CLPB: variants seen among roughly 807,000 people sequenced by gnomAD.
CLPB encodes the protein mitochondrial disaggregase.
CLPB carries 40 observed loss-of-function variants against 78.4 expected under a neutral mutation model. The observed-to-expected ratio is 0.51, with a 90% CI of 0.40 to 0.66. The LOEUF is 0.66. Among genes scored for constraint, CLPB ranks in the 30% least tolerant of loss-of-function variants. The pLI is 0.00. For missense variants in CLPB, 780 were observed against 886.9 expected (o/e 0.88, Z 1.53); for synonymous variants, 333 against 348.0 (o/e 0.96, Z 0.48).
intron 4 of CLPB, among the ~76,000 whole-genome samples, chr11:72,379,155 C>G (rs1004064664): frequency 6.6e-6 from 1 of 152,196 alleles, no homozygotes; most frequent in South Asian, 2.1e-4. Flanking sequence ...CCACATACCA[C>G]GTCAGTCTGG....
rs145621160 is a variant in CLPB at position 72,414,809 on chromosome 11, A to C, written c.456-11757T>G. On this transcript the variant is annotated intron_variant, in intron 2 of 15. Transcript: ENST00000538039. ...GCAAAGCTCTTGAATGATGGAGTTC[A>C]AAAGAGCTCACATTTCTTGAGCTGC... Among the ~76,000 whole-genome samples the C allele has an allele frequency of 5.2e-4, 79 of 152,356 alleles. No homozygotes were observed. The East Asian group carries it at 0.015, about 29-fold the overall frequency.
intron 6 of CLPB, among the ~76,000 whole-genome samples, chr11:72,326,703 C>T (rs974486860): frequency 2.0e-5 from 3 of 152,090 alleles, no homozygotes; most frequent in Non-Finnish European, 4.4e-5. Context: ...GCCTCCAGGC[C>T]TGAGTCATTA....
At chr11:72,404,531 G>T (rs1470775175) in intron 2 of CLPB, among the ~76,000 whole-genome samples, 3 of 152,208 alleles carry the variant, frequency 2.0e-5, no homozygotes, top group Non-Finnish European at 4.4e-5. Flanking sequence ...AAAGCCCAAG[G>T]GGGAGACAGA....
rs184883486 is a variant in CLPB at position 72,401,132 on chromosome 11, T to C, written c.542+1834A>G. 5.6e-3 allele frequency among the ~76,000 whole-genome samples: 853 copies of C among 152,318 alleles called. 36 individuals are homozygous for C. Among genetic ancestry groups the C allele is most frequent in the Admixed American group, 0.053 (803 of 15,292 alleles). Reference sequence around the variant, plus strand: ...CTCTCAACTACGAAGCCTATTTATATCAATTTTGCTTTTAAAGAATAGGTG... The same window carrying C: ...CTCTCAACTACGAAGCCTATTTATACCAATTTTGCTTTTAAAGAATAGGTG... On this transcript the variant is annotated intron_variant, in intron 3 of 15. Transcript: ENST00000538039.
At position 72,293,224 on chromosome 11, in the gene CLPB, TC is replaced by T; in HGVS notation, c.*142del. On this transcript the variant is annotated 3_prime_UTR_variant, in exon 16 of 16. Coordinates refer to ENST00000538039, the MANE Select transcript of CLPB (RefSeq NM_001258392.3). ...TTCAGGTTTTGGGGCTGAGAAGGGG[TC>T]TTCATGGGCTGTGAGGAGGTAAGCA... 1 of 1,026,538 alleles carries T rather than the reference TC, an allele frequency of 9.7e-7. No individual in the cohort carries two copies. Among genetic ancestry groups the T allele is most frequent in the Non-Finnish European group, 1.4e-6 (1 of 711,434 alleles). The allele number at this position is 1,026,538 out of a possible 1,614,324, so 63.6% of individuals were successfully genotyped here.
intron 2 of CLPB, among the ~76,000 whole-genome samples, chr11:72,413,070 C>T (rs916621322): frequency 1.3e-5 from 2 of 152,146 alleles, no homozygotes; most frequent in Non-Finnish European, 2.9e-5. Flanking sequence ...AGGCGAGTCA[C>T]CTGAGGTCGG....
At chr11:72,322,540 C>T (rs1935386655) in intron 6 of CLPB, among the ~76,000 whole-genome samples, 1 of 152,010 alleles carries the variant, frequency 6.6e-6, no homozygotes, top group Non-Finnish European at 1.5e-5. Flanking sequence ...GAAAGGCTAG[C>T]CAGTGGAGTA....
At chr11:72,380,414 A>G (rs1854873545) in intron 3 of CLPB, 30 bp from the exon 4 acceptor site, 1 of 1,584,436 alleles carries the variant, frequency 6.3e-7, no homozygotes. Flanking sequence ...CAGAAGTGTC[A>G]AAAGCAAGAA....
chr11:72,321,393 A>G (rs1483228007), intron 6 of CLPB, among the ~76,000 whole-genome samples: 1 of 152,230 alleles, frequency 6.6e-6, no homozygotes, highest in African/African-American at 2.4e-5. Context: ...ACCTGGAGCC[A>G]TCAGCGACCA....
At chr11:72,353,455 A>G (rs771191768) in intron 5 of CLPB, among the ~76,000 whole-genome samples, 5 of 152,260 alleles carry the variant, frequency 3.3e-5, no homozygotes, top group African/African-American at 4.8e-5. Flanking sequence ...AGTCAGACAC[A>G]TTAGGAAATT....
At chr11:72,379,204 T>G (rs1029118923) in intron 4 of CLPB, among the ~76,000 whole-genome samples, 1 of 152,164 alleles carries the variant, frequency 6.6e-6, no homozygotes, top group African/African-American at 2.4e-5. Flanking sequence ...ATTGCTCCCC[T>G]TGGCTGAATT....
chr11:72,408,279 C>A, intron 2 of CLPB: 1 of 1,036,404 alleles, frequency 9.6e-7, no homozygotes, highest in Non-Finnish European at 1.4e-6. Flanking sequence ...CTGTCACTTA[C>A]TAGCTGTGAA....
chr11:72,307,066 G>A lies in CLPB; in HGVS notation c.1122+133C>T, dbSNP rs551183340. ...TGGTGGCCAAGTTGGGGCCAGAGCTGAGGTCTGCTTCCTGGGTCAGGGCCC... is the reference window on the plus strand; with the variant it reads ...TGGTGGCCAAGTTGGGGCCAGAGCTAAGGTCTGCTTCCTGGGTCAGGGCCC... On this transcript the variant is annotated intron_variant, in intron 9 of 15. Transcript: ENST00000538039. 2.5e-4 allele frequency: 182 copies of A among 735,756 alleles called. No individual in the cohort carries two copies. The African/African-American group carries it at 2.6e-3, about 11-fold the overall frequency. The allele number at this position is 735,756 out of a possible 1,614,324, so 45.6% of individuals were successfully genotyped here.
chr11:72,434,244 G>A lies in CLPB; in HGVS notation c.231C>T (p.Arg77=), dbSNP rs1336549982. 1 of 1,613,406 alleles carries A rather than the reference G, an allele frequency of 6.2e-7. No individual in the cohort carries two copies. The highest frequency in any genetic ancestry group is 8.5e-7 in the Non-Finnish European group (1 of 1,179,946). ...CAGCCGCGAGGCATTTGGTATCGAA[G>A]CGTCCTCCCTGGCGCCCCCCGGTGG... ...GAATGGRQGG[R]FDTKCLAAAT... The change falls in exon 1 of 16, where the codon CGC becomes CGT. Residue 77 remains arginine (R), a synonymous_variant. Coordinates refer to ENST00000538039, the MANE Select transcript of CLPB (RefSeq NM_001258392.3).
chr11:72,319,869 T>C (rs1565435738), intron 6 of CLPB, among the ~76,000 whole-genome samples: 1 of 152,222 alleles, frequency 6.6e-6, no homozygotes, highest in Non-Finnish European at 1.5e-5. Flanking sequence ...CTGTCTAATC[T>C]AGTGCCTTTT....
At chr11:72,368,096 G>A (rs893781518) in intron 4 of CLPB, among the ~76,000 whole-genome samples, 1 of 152,056 alleles carries the variant, frequency 6.6e-6, no homozygotes, top group African/African-American at 2.4e-5. Context: ...TACTGGCTAG[G>A]ATCACCTCTA....
intron 4 of CLPB, chr11:72,359,262 G>T (rs1007818885): frequency 6.5e-6 from 4 of 617,948 alleles, no homozygotes; most frequent in Non-Finnish European, 1.2e-5. Context: ...ATCAGATAAG[G>T]TCCCTGACCT....
intron 6 of CLPB, among the ~76,000 whole-genome samples, chr11:72,325,258 C>T (rs1205395566): frequency 3.9e-5 from 6 of 152,178 alleles, no homozygotes; most frequent in Admixed American, 2.0e-4. Flanking sequence ...TATTGAAATC[C>T]TTCAAGGTGA....
At chr11:72,409,509 G>A (rs1468145290) in intron 2 of CLPB, among the ~76,000 whole-genome samples, 4 of 151,986 alleles carry the variant, frequency 2.6e-5, no homozygotes, top group African/African-American at 4.8e-5. Flanking sequence ...ACTTGAACTC[G>A]GGAGACAGAG....
Sources: gnomAD v4.1 joint callset for allele counts (sites outside exome capture counted in the v4.1 genomes callset) on GRCh38, gnomAD v4.1.1 for gene constraint, MANE v1.5 for transcripts, NCBI Gene and HGNC (gene_info 2026-07-23, HGNC 2026-07-21) for gene names.